JAZF1: variants seen among roughly 807,000 people sequenced by gnomAD.
JAZF1 encodes juxtaposed with another zinc finger protein 1.
In JAZF1, 8 loss-of-function variants were observed where a neutral mutation model predicts 26.4. That is an observed-to-expected ratio of 0.30 (90% CI 0.18 to 0.55). The LOEUF (loss-of-function observed/expected upper bound fraction) is 0.55, where lower values mean the gene tolerates loss of function less well. Among genes scored for constraint, JAZF1 ranks in the 20% least tolerant of loss-of-function variants. JAZF1 has a pLI of 0.94. For synonymous variants in JAZF1, 126 were observed against 122.3 expected, an observed-to-expected ratio of 1.03 and a Z score of -0.20; for missense variants, 199 against 322.0, an observed-to-expected ratio of 0.62 and a Z score of 2.92.
chr7:28,140,083 CTTTT>C (rs67016749), intron 1 of JAZF1, among the ~76,000 whole-genome samples: 2 of 125,120 alleles, frequency 1.6e-5, no homozygotes, highest in African/African-American at 6.2e-5. Flanking sequence ...AGTCACAAAT[CTTTT>C]TTTTTTTTTT....
At chr7:28,129,996 A>AT (rs947387650) in intron 1 of JAZF1, among the ~76,000 whole-genome samples, 71 of 151,694 alleles carry the variant, frequency 4.7e-4, no homozygotes, top group East Asian at 7.7e-4. Flanking sequence ...GGAACTACTG[A>AT]TTTTTTTTTA....
At chr7:27,880,532 C>A (rs1331977463) in intron 3 of JAZF1, among the ~76,000 whole-genome samples, 1 of 151,858 alleles carries the variant, frequency 6.6e-6, no homozygotes, top group Non-Finnish European at 1.5e-5. Flanking sequence ...ACTCGGGAGG[C>A]TGAGGCAGGA....
At position 28,120,501 on chromosome 7, in the gene JAZF1, C is replaced by CTTTTTTTTTTTTTTTTTT. The variant is rs58448766; in HGVS notation, c.115+59944_115+59961dup. Among the ~76,000 whole-genome samples the CTTTTTTTTTTTTTTTTTT allele has an allele frequency of 2.9e-3, 171 of 59,012 alleles. 45 individuals are homozygous for CTTTTTTTTTTTTTTTTTT. The highest frequency in any genetic ancestry group is 0.02 in the East Asian group (18 of 918). 38.7% of individuals were successfully genotyped at this position (59,012 alleles called of 152,430 possible). A position where few individuals can be genotyped will look rare whatever the true frequency, so the allele number is the denominator to read the frequency against. ...TCTGAACCACTAGCCACACACAGTT[C>CTTTTTTTTTTTTTTTTTT]TTTTTTTTTTTTTTTTTTTTTTTTT... On this transcript the variant is annotated intron_variant, in intron 1 of 4. Coordinates refer to ENST00000283928, the MANE Select transcript of JAZF1 (RefSeq NM_175061.4).
chr7:28,156,846 G>C (rs1022300567), intron 1 of JAZF1, among the ~76,000 whole-genome samples: 1 of 152,136 alleles, frequency 6.6e-6, no homozygotes, highest in Non-Finnish European at 1.5e-5. Flanking sequence ...ACCAAGCAAG[G>C]GGGGAAATCA....
At chr7:27,954,098 CT>C (rs1785049862) in intron 2 of JAZF1, among the ~76,000 whole-genome samples, 1 of 152,310 alleles carries the variant, frequency 6.6e-6, no homozygotes, top group South Asian at 2.1e-4. Context: ...GAAGATGGGA[CT>C]TTAGATATCT....
chr7:27,834,733 G>GT (rs910059871), intron 4 of JAZF1, among the ~76,000 whole-genome samples: 1 of 152,230 alleles, frequency 6.6e-6, no homozygotes, highest in Non-Finnish European at 1.5e-5. Flanking sequence ...GCCAACGTGT[G>GT]TATCCAGCCC....
At chr7:28,178,562 TTTAC>T (rs1024335549) in intron 1 of JAZF1, among the ~76,000 whole-genome samples, 1 of 152,210 alleles carries the variant, frequency 6.6e-6, no homozygotes, top group African/African-American at 2.4e-5. Flanking sequence ...ATATTTATTT[TTTAC>T]TTATTATTGG....
rs201602870 is a variant in JAZF1, at chr7:28,035,313, CAAAAAAA to C, written c.116-43339_116-43333del. Among the ~76,000 whole-genome samples, 53 of 27,442 alleles carry C rather than the reference CAAAAAAA, an allele frequency of 1.9e-3. No individual in the cohort carries two copies. The South Asian group carries it at 0.036, about 19-fold the overall frequency. The allele number at this position is 27,442 out of a possible 152,430, so 18.0% of individuals were successfully genotyped here. Reference sequence around the variant, plus strand: ...TGGGCGACAAAGTGAGACTCCATCTCAAAAAAAAAAAAAAAAAAAAAAAAAAAAAAGA... The same window carrying C: ...TGGGCGACAAAGTGAGACTCCATCTCAAAAAAAAAAAAAAAAAAAAAAAGA... On this transcript the variant is annotated intron_variant, in intron 1 of 4. Coordinates refer to ENST00000283928, the MANE Select transcript of JAZF1 (RefSeq NM_175061.4).
intron 1 of JAZF1, among the ~76,000 whole-genome samples, chr7:28,057,089 T>A (rs548406954): frequency 6.6e-6 from 1 of 152,174 alleles, no homozygotes; most frequent in East Asian, 1.9e-4. Flanking sequence ...CTATCCATCA[T>A]GCTGTGACCC....
chr7:28,132,448 G>A (rs578134363), intron 1 of JAZF1, among the ~76,000 whole-genome samples: 34 of 152,270 alleles, frequency 2.2e-4, no homozygotes, highest in African/African-American at 7.7e-4. Context: ...AGGGCTGCCT[G>A]CAAAGATTTC....
chr7:28,136,737 A>C (rs1468608577), intron 1 of JAZF1, among the ~76,000 whole-genome samples: 1 of 152,092 alleles, frequency 6.6e-6, no homozygotes, highest in Admixed American at 6.5e-5. Flanking sequence ...GAATTAAAAT[A>C]CTGCATGAAG....
At chr7:28,163,137 T>C (rs1193832038) in intron 1 of JAZF1, among the ~76,000 whole-genome samples, 1 of 152,208 alleles carries the variant, frequency 6.6e-6, no homozygotes, top group East Asian at 1.9e-4. Context: ...GGTCATTAAA[T>C]GTTTAACATG....
chr7:27,916,742 CATATA>C (rs1784447974), intron 2 of JAZF1, among the ~76,000 whole-genome samples: 1 of 152,270 alleles, frequency 6.6e-6, no homozygotes, highest in Non-Finnish European at 1.5e-5. Flanking sequence ...AAAGGACATG[CATATA>C]ATATAAGAGC....
chr7:27,957,030 G>A (rs894195893), intron 2 of JAZF1, among the ~76,000 whole-genome samples: 1 of 152,174 alleles, frequency 6.6e-6, no homozygotes, highest in African/African-American at 2.4e-5. Flanking sequence ...AAAAGTTCGT[G>A]CCGCTGACTC....
chr7:28,007,380 C>A (rs1782722297), intron 1 of JAZF1, among the ~76,000 whole-genome samples: 1 of 152,078 alleles, frequency 6.6e-6, no homozygotes, highest in African/African-American at 2.4e-5. Flanking sequence ...ATCAATCCGA[C>A]CAACATGGTG....
At chr7:27,975,806 T>C (rs1369774745) in intron 2 of JAZF1, among the ~76,000 whole-genome samples, 1 of 152,166 alleles carries the variant, frequency 6.6e-6, no homozygotes, top group Non-Finnish European at 1.5e-5. Flanking sequence ...TAAAGATTTT[T>C]AAAAATGGTC....
At chr7:27,919,660 G>T (rs1357189141) in intron 2 of JAZF1, among the ~76,000 whole-genome samples, 1 of 152,050 alleles carries the variant, frequency 6.6e-6, no homozygotes, top group African/African-American at 2.4e-5. Flanking sequence ...ACAAAAGAGG[G>T]GTGACTTATG....
chr7:28,019,066 A>G (rs1222297231), intron 1 of JAZF1, among the ~76,000 whole-genome samples: 1 of 152,150 alleles, frequency 6.6e-6, no homozygotes, highest in Non-Finnish European at 1.5e-5. Context: ...TATTTTTCAA[A>G]TGTTCAGTCA....
chr7:27,931,405 AC>A (rs1265352569), intron 2 of JAZF1, among the ~76,000 whole-genome samples: 1 of 152,284 alleles, frequency 6.6e-6, no homozygotes, highest in African/African-American at 2.4e-5. Flanking sequence ...TCCTAAAAAA[AC>A]AAAACATAAC....
Sources: allele counts gnomAD v4.1 joint callset (sites outside exome capture counted in the v4.1 genomes callset), GRCh38; gene constraint gnomAD v4.1.1; transcripts MANE v1.5; gene names NCBI Gene and HGNC (gene_info 2026-07-23, HGNC 2026-07-21).